The following LPAR3 variants were observed in gnomAD, a reference collection of about 807,000 sequenced individuals.
The protein encoded by LPAR3 is lysophosphatidic acid receptor 3.
In LPAR3, 7 loss-of-function variants were observed where a neutral mutation model predicts 17.8. The ratio of observed to expected loss-of-function variants is 0.39; its 90% CI spans 0.22 to 0.74. LPAR3 has a LOEUF of 0.74. Ranked by LOEUF, LPAR3 falls within the 30% of genes least tolerant of loss-of-function variation. The probability of loss-of-function intolerance (pLI) is 0.40; values close to 1 mark genes in which losing one functional copy is unlikely to be tolerated. For missense variants in LPAR3, 391 were observed against 453.4 expected (o/e 0.86, Z 1.25); for synonymous variants, 179 against 179.9 (o/e 0.99, Z 0.04).
chr1:84,830,678 A>T (rs1659266279), intron 2 of LPAR3, among the ~76,000 whole-genome samples: 1 of 152,218 alleles, frequency 6.6e-6, no homozygotes, highest in African/African-American at 2.4e-5. Context: ...TAGGTGTTCA[A>T]CTTTCAGAGA....
intron 1 of LPAR3, among the ~76,000 whole-genome samples, chr1:84,879,316 C>CTTTTTTCTTTTTTTTTTTTTT (rs1553149965): frequency 8.3e-6 from 1 of 120,602 alleles, no homozygotes; most frequent in Non-Finnish European, 1.6e-5. Flanking sequence ...TTTCTTTTTT[C>CTTTTTTCTTTTTTTTTTTTTT]TTTTTTTTTT....
chr1:84,829,706 A>G (rs78418539), intron 2 of LPAR3, among the ~76,000 whole-genome samples: 8,251 of 152,232 alleles, frequency 0.054, 419 homozygotes, highest in East Asian at 0.18. Flanking sequence ...ATGCATCCAG[A>G]AAAAGAAAAA....
chr1:84,816,390 T>C (rs1221092184), intron 2 of LPAR3, among the ~76,000 whole-genome samples: 1 of 152,206 alleles, frequency 6.6e-6, no homozygotes, highest in Non-Finnish European at 1.5e-5. Flanking sequence ...TAGCCTGATC[T>C]TTCATTCATA....
chr1:84,859,838 C>A (rs1659903339), intron 2 of LPAR3, among the ~76,000 whole-genome samples: 1 of 152,170 alleles, frequency 6.6e-6, no homozygotes, highest in South Asian at 2.1e-4. Context: ...AGCCCATTTT[C>A]TGGGAAATAA....
At chr1:84,829,278 C>G (rs890321806) in intron 2 of LPAR3, among the ~76,000 whole-genome samples, 107 of 144,776 alleles carry the variant, frequency 7.4e-4, no homozygotes, top group Non-Finnish European at 2.7e-4. Context: ...TTTAATTCAT[C>G]TAGAGGTAAC....
Position 84,874,995 on chromosome 1 carries a change from G to A in LPAR3, c.-18-8857C>T, listed in dbSNP as rs189524571. Among the ~76,000 whole-genome samples, 590 of 151,504 alleles carry A rather than the reference G, an allele frequency of 3.9e-3. 5 individuals are homozygous for A. Among genetic ancestry groups the A allele is most frequent in the Non-Finnish European group, 5.6e-3 (378 of 67,948 alleles). On this transcript the variant is annotated intron_variant, in intron 1 of 2. Transcript: ENST00000370611. ...GCTCACTGCAACCTCCACCTTCCTGGTTCAAGCGATTCTCCTGCTTCAGCC... is the reference window on the plus strand; with the variant it reads ...GCTCACTGCAACCTCCACCTTCCTGATTCAAGCGATTCTCCTGCTTCAGCC...
At chr1:84,827,385 G>T (rs1009070877) in intron 2 of LPAR3, among the ~76,000 whole-genome samples, 1 of 152,154 alleles carries the variant, frequency 6.6e-6, no homozygotes, top group Non-Finnish European at 1.5e-5. Context: ...GGTAGGGGTT[G>T]TTAAATTCTT....
chr1:84,878,171 T>A (rs1431548663), intron 1 of LPAR3, among the ~76,000 whole-genome samples: 1 of 152,194 alleles, frequency 6.6e-6, no homozygotes, highest in Non-Finnish European at 1.5e-5. Context: ...GAATCTGACA[T>A]AAATTTTTTT....
chr1:84,873,748 T>A (rs1660202323), intron 1 of LPAR3, among the ~76,000 whole-genome samples: 1 of 138,474 alleles, frequency 7.2e-6, no homozygotes, highest in Non-Finnish European at 1.5e-5. Flanking sequence ...TTTGTTTGTT[T>A]TGCTTGTTTG....
chr1:84,821,965 GT>G (rs2102745655), intron 2 of LPAR3, among the ~76,000 whole-genome samples: 1 of 152,310 alleles, frequency 6.6e-6, no homozygotes, highest in African/African-American at 2.4e-5. Context: ...TTGGAGATGT[GT>G]AGAAGGCAGC....
At chr1:84,889,005 G>A (rs1327922591) in intron 1 of LPAR3, among the ~76,000 whole-genome samples, 1 of 152,144 alleles carries the variant, frequency 6.6e-6, no homozygotes, top group Non-Finnish European at 1.5e-5. Context: ...CACATCTGAA[G>A]AGGGGTGACA....
chr1:84,884,427 T>C (rs1660420880), intron 1 of LPAR3, among the ~76,000 whole-genome samples: 1 of 152,230 alleles, frequency 6.6e-6, no homozygotes, highest in Non-Finnish European at 1.5e-5. Flanking sequence ...ATTTCTAACA[T>C]AATGATTGTG....
rs1456492405 is a variant in LPAR3, at chr1:84,880,416, T to C, written c.-19+12600A>G. ...GGCCTTGGAGAATCAGAAAAGTCAA[T>C]TGCCCGTGTAGCTCCAAAGAGTAGA... On this transcript the variant is annotated intron_variant, in intron 1 of 2. Coordinates refer to ENST00000370611, the MANE Select transcript of LPAR3 (RefSeq NM_012152.3). Among the ~76,000 whole-genome samples the C allele has an allele frequency of 9.7e-4, 148 of 152,268 alleles. 4 individuals are homozygous for C. The highest frequency in any genetic ancestry group is 1.9e-4 in the Non-Finnish European group (13 of 68,010).
intron 1 of LPAR3, among the ~76,000 whole-genome samples, chr1:84,883,444 A>T (rs1660400097): frequency 6.6e-6 from 1 of 152,246 alleles, no homozygotes; most frequent in South Asian, 2.1e-4. Flanking sequence ...ATCAGGAAAG[A>T]GGGGTTTAGC....
rs554662457 is a variant in LPAR3, at chr1:84,864,897, CCTA to C, written c.736+485_736+487del. Among the ~76,000 whole-genome samples the C allele has an allele frequency of 3.4e-3, 512 of 152,242 alleles. 4 individuals carry two copies. The highest frequency in any genetic ancestry group is 0.011 in the African/African-American group (469 of 41,546). On this transcript the variant is annotated intron_variant, in intron 2 of 2. Transcript: ENST00000370611. ...CACCAGCTCCCTGACCTCATCTTCT[CCTA>C]CTCCCTCTGCTCGATCCATGCAGCC...
Position 84,838,286 on chromosome 1 carries a change from C to T in LPAR3, c.737-24115G>A, listed in dbSNP as rs74727401. Among the ~76,000 whole-genome samples, 852 of 152,284 alleles carry T rather than the reference C, an allele frequency of 5.6e-3. 9 individuals are homozygous for T. Among genetic ancestry groups the T allele is most frequent in the African/African-American group, 0.019 (773 of 41,544 alleles). Reference sequence around the variant, plus strand: ...AAAACTGTGCCAGCCAGCATTGACACGGGGATCCATGGTGGATTCTTTCAC... The same window carrying T: ...AAAACTGTGCCAGCCAGCATTGACATGGGGATCCATGGTGGATTCTTTCAC... On this transcript the variant is annotated intron_variant, in intron 2 of 2. Coordinates refer to ENST00000370611, the MANE Select transcript of LPAR3 (RefSeq NM_012152.3).
At chr1:84,884,975 C>T (rs1886644) in intron 1 of LPAR3, among the ~76,000 whole-genome samples, 1 of 152,108 alleles carries the variant, frequency 6.6e-6, no homozygotes, top group African/African-American at 2.4e-5. Flanking sequence ...AGCATATGTA[C>T]GTCAAAGACA....
At chr1:84,866,788 T>C (rs1660058968) in intron 1 of LPAR3, among the ~76,000 whole-genome samples, 1 of 152,210 alleles carries the variant, frequency 6.6e-6, no homozygotes, top group Admixed American at 6.5e-5. Flanking sequence ...ACAACTCTGA[T>C]ATTCACATAT....
chr1:84,879,073 C>A (rs1242063611), intron 1 of LPAR3, among the ~76,000 whole-genome samples: 2 of 152,106 alleles, frequency 1.3e-5, no homozygotes, highest in East Asian at 3.9e-4. Context: ...GCATGGTTAA[C>A]CTCTAGCCTC....
Sources: allele counts gnomAD v4.1 joint callset (sites outside exome capture counted in the v4.1 genomes callset), GRCh38; gene constraint gnomAD v4.1.1; transcripts MANE v1.5; gene names NCBI Gene and HGNC (gene_info 2026-07-23, HGNC 2026-07-21).